DPP8: variants seen among roughly 807,000 people sequenced by gnomAD.
DPP8 encodes the protein dipeptidyl peptidase 8, also known as DPP VIII.
Under a neutral mutation model 107.5 loss-of-function variants are expected in DPP8, and 31 were observed. The observed-to-expected ratio is 0.29, with a 90% CI of 0.22 to 0.39. The LOEUF is 0.39. Ranked by LOEUF, DPP8 falls within the 10% of genes least tolerant of loss-of-function variation. DPP8 has a pLI of 1.00. For missense variants in DPP8, 842 were observed against 1,076.1 expected, an observed-to-expected ratio of 0.78 and a Z score of 3.04; for synonymous variants, 381 against 356.6, an observed-to-expected ratio of 1.07 and a Z score of -0.77.
chr15:65,515,997 A>G, intron 1 of DPP8: 1 of 445,268 alleles, frequency 2.2e-6, no homozygotes, highest in Non-Finnish European at 3.9e-6. Flanking sequence ...TGTGTAGCCC[A>G]ATATAGTCAA....
intron 19 of DPP8, among the ~76,000 whole-genome samples, chr15:65,448,352 A>C (rs1164232348): frequency 6.6e-6 from 1 of 151,978 alleles, no homozygotes; most frequent in Non-Finnish European, 1.5e-5. Flanking sequence ...TGGGCAACTT[A>C]GTGACACCCA....
chr15:65,478,942 T>C lies in DPP8; in HGVS notation c.1394A>G (p.Lys465Arg). ...ECKTGFRHLYKITSILKESKY... is the reference protein window; with the variant it reads ...ECKTGFRHLYRITSILKESKY... ...GCTTTCCTTTAAAATAGATGTAATT[T>C]TGTATAAATGACGGAAACCTGTTTT... The change falls in exon 11 of 20, where the codon AAA becomes AGA. Residue 465 changes from lysine (K) to arginine (R), a missense_variant. Coordinates refer to ENST00000300141, the MANE Select transcript of DPP8 (RefSeq NM_130434.5). 6.3e-7 allele frequency: 1 copy of C among 1,596,770 alleles called. No individual in the cohort carries two copies. Among genetic ancestry groups the C allele is most frequent in the Non-Finnish European group, 8.5e-7 (1 of 1,173,290 alleles).
intron 3 of DPP8, among the ~76,000 whole-genome samples, chr15:65,503,924 CT>C (rs1325215082): frequency 1.3e-5 from 2 of 151,950 alleles, no homozygotes; most frequent in Non-Finnish European, 2.9e-5. Flanking sequence ...CGCACCTGGC[CT>C]TTTCTGTATT....
chr15:65,500,073 AT>A (rs916016109), intron 4 of DPP8, among the ~76,000 whole-genome samples: 1 of 151,176 alleles, frequency 6.6e-6, no homozygotes, highest in African/African-American at 2.4e-5. Flanking sequence ...GTTTTTTTAA[AT>A]TTTTTTTTGT....
intron 6 of DPP8, 30 bp downstream of exon 6, chr15:65,490,159 C>T (rs766125045): frequency 9.4e-7 from 1 of 1,064,946 alleles, no homozygotes; most frequent in African/African-American, 1.6e-5. Flanking sequence ...CTTTAATTGA[C>T]CCATAATATA....
intron 2 of DPP8, among the ~76,000 whole-genome samples, chr15:65,511,632 C>G (rs1220521921): frequency 8.8e-6 from 1 of 114,050 alleles, no homozygotes; most frequent in East Asian, 2.4e-4. Context: ...AGAGTGAGAC[C>G]CTGTCTCAAA....
rs115974239 is a variant in DPP8 at position 65,494,320 on chromosome 15, T to C, written c.715+3544A>G. Among the ~76,000 whole-genome samples the C allele has an allele frequency of 7.4e-3, 1,125 of 151,790 alleles. 14 individuals are homozygous for C. Among genetic ancestry groups the C allele is most frequent in the African/African-American group, 0.026 (1,073 of 41,280 alleles). ...AGCCTGACTATCCATGCTCAAGTGA[T>C]CCTCCTACCTCGGCTCCCAGAGTAA... On this transcript the variant is annotated intron_variant, in intron 5 of 19. Coordinates refer to ENST00000300141, the MANE Select transcript of DPP8 (RefSeq NM_130434.5).
At position 65,507,321 on chromosome 15, in the gene DPP8, A is replaced by C; in HGVS notation, c.294T>G (p.Phe98Leu). The C allele has an allele frequency of 1.9e-6, 3 of 1,611,964 alleles. No individual in the cohort carries two copies. Among genetic ancestry groups the C allele is most frequent in the Non-Finnish European group, 2.5e-6 (3 of 1,178,390 alleles). Residue 98 changes from phenylalanine (F) to leucine (L), a missense_variant, in exon 3 of 20, where the codon TTT becomes TTG. This residue lies in a region of DPP8 where 663 missense variants were observed against 758.0 expected (regional missense o/e 0.87). Transcript: ENST00000300141. Reference protein sequence around the residue: ...MSGENRENTLFYSEIPKTINR... With the variant: ...MSGENRENTLLYSEIPKTINR... ...TGATAGTTTTGGGAATTTCAGAATA[A>C]AACAGTGTATTTTCTCTGTTCTCAC...
At chr15:65,504,236 G>A (rs1347066518) in intron 3 of DPP8, among the ~76,000 whole-genome samples, 1 of 151,980 alleles carries the variant, frequency 6.6e-6, no homozygotes, top group African/African-American at 2.4e-5. Context: ...GGTGGCGCAT[G>A]CCTGTAATTC....
At chr15:65,507,419 T>G in intron 2 of DPP8, 64 bp from the exon 3 acceptor site, 1 of 1,007,240 alleles carries the variant, frequency 9.9e-7, no homozygotes, top group Non-Finnish European at 1.5e-6. Flanking sequence ...CAGTCACAGT[T>G]GCAAGTACAT....
rs746892148 is a variant in DPP8 at position 65,515,705 on chromosome 15, T to TGA, written c.-12+1780_-12+1781insTC. On this transcript the variant is annotated intron_variant, in intron 1 of 19. Coordinates refer to ENST00000300141, the MANE Select transcript of DPP8 (RefSeq NM_130434.5). ...ATCTCTTCCACATTCAAAGAGATCTTTTTCAAGTGACTCGACTTCAAGCAT... is the reference window on the plus strand; with the variant it reads ...ATCTCTTCCACATTCAAAGAGATCTTGATTTCAAGTGACTCGACTTCAAGCAT... 6 of 1,613,346 alleles carry TGA rather than the reference T, an allele frequency of 3.7e-6. No homozygotes were observed. The African/African-American group carries it at 8.0e-5, about 22-fold the overall frequency.
intron 5 of DPP8, among the ~76,000 whole-genome samples, chr15:65,494,987 C>G (rs1375675186): frequency 1.3e-5 from 2 of 152,086 alleles, no homozygotes; most frequent in African/African-American, 4.8e-5. Flanking sequence ...ATGATCACAC[C>G]ACTCAACTGT....
chr15:65,474,467 C>G (rs2066203526), intron 11 of DPP8, among the ~76,000 whole-genome samples, 179 bp from the exon 12 acceptor site: 1 of 152,134 alleles, frequency 6.6e-6, no homozygotes, highest in Non-Finnish European at 1.5e-5. Context: ...AATGCCACTG[C>G]ATTGTTTGTT....
At chr15:65,480,494 T>C in intron 9 of DPP8, 95 bp from the exon 10 acceptor site, 1 of 787,648 alleles carries the variant, frequency 1.3e-6, no homozygotes, top group Non-Finnish European at 1.9e-6. Context: ...CAATTATATC[T>C]GTAATCACCA....
At chr15:65,471,148 T>C (rs183800450) in intron 12 of DPP8, among the ~76,000 whole-genome samples, 155 of 152,304 alleles carry the variant, frequency 1.0e-3, no homozygotes, top group Non-Finnish European at 1.7e-3. Context: ...TCAGTGTAGT[T>C]TTCTGTTTTC....
At chr15:65,469,648 C>T (rs756885322) in intron 12 of DPP8, among the ~76,000 whole-genome samples, 2 of 105,610 alleles carry the variant, frequency 1.9e-5, no homozygotes, top group Non-Finnish European at 3.6e-5. Flanking sequence ...AGCAAAACTC[C>T]GTCTCAAAAA....
rs2063373935 is a variant in DPP8, at chr15:65,443,504, AAGT to A, written c.*3377_*3379del. On this transcript the variant is annotated 3_prime_UTR_variant, in exon 20 of 20. Coordinates refer to ENST00000300141, the MANE Select transcript of DPP8 (RefSeq NM_130434.5). ...AATAAAACAAGTAGTAAAAAAAAAAAAGTAAGCATCGGTATCAATATCGCATTC... is the reference window on the plus strand; with the variant it reads ...AATAAAACAAGTAGTAAAAAAAAAAAAAGCATCGGTATCAATATCGCATTC... 1 of 151,744 alleles carries A rather than the reference AAGT, an allele frequency of 6.6e-6. No individual in the cohort carries two copies. Among genetic ancestry groups the A allele is most frequent in the African/African-American group, 2.4e-5 (1 of 41,318 alleles). The allele number at this position is 151,744 out of a possible 1,614,324, so 9.4% of individuals were successfully genotyped here.
At chr15:65,462,600 G>A (rs1306588989) in intron 15 of DPP8, among the ~76,000 whole-genome samples, 2 of 151,788 alleles carry the variant, frequency 1.3e-5, no homozygotes, top group African/African-American at 4.8e-5. Context: ...TATATATTTT[G>A]GACAGAGTCT....
chr15:65,472,741 T>G (rs2066004547), intron 12 of DPP8, among the ~76,000 whole-genome samples: 1 of 152,130 alleles, frequency 6.6e-6, no homozygotes, highest in Non-Finnish European at 1.5e-5. Flanking sequence ...AATAATACAT[T>G]TTAAAATGGT....
Sources: gnomAD v4.1 joint callset for allele counts (sites outside exome capture counted in the v4.1 genomes callset) on GRCh38, gnomAD v4.1.1 for gene constraint, gnomAD v4.1.1 regional missense constraint, MANE v1.5 for transcripts, NCBI Gene and HGNC (gene_info 2026-07-23, HGNC 2026-07-21) for gene names.